The following TASP1 variants were observed in gnomAD, a reference collection of about 807,000 sequenced individuals.
The protein encoded by TASP1 is taspase 1.
TASP1 carries 16 observed loss-of-function variants against 56.6 expected under a neutral mutation model. That is an observed-to-expected ratio of 0.28 (90% confidence interval 0.19 to 0.43). The LOEUF is 0.43. Among genes scored for constraint, TASP1 ranks in the 20% least tolerant of loss-of-function variants. TASP1 has a pLI of 1.00. For missense variants in TASP1, 393 were observed against 511.6 expected, an observed-to-expected ratio of 0.77 and a Z score of 2.24; for synonymous variants, 179 against 184.2, an observed-to-expected ratio of 0.97 and a Z score of 0.23.
the TASP1 span, among the ~76,000 whole-genome samples, chr20:13,271,473 G>C: frequency 6.6e-6 from 1 of 152,114 alleles, no homozygotes; most frequent in Non-Finnish European, 1.5e-5. Flanking sequence ...GATCGGATTT[G>C]ACCCTCCCAA....
chr20:13,569,299 T>C (rs978587507), intron 7 of TASP1, among the ~76,000 whole-genome samples: 2 of 152,096 alleles, frequency 1.3e-5, no homozygotes, highest in Admixed American at 6.6e-5. Flanking sequence ...AATACTTTTA[T>C]AAAAGCATAA....
intron 12 of TASP1, among the ~76,000 whole-genome samples, chr20:13,421,373 C>A (rs536034010): frequency 6.8e-6 from 1 of 146,200 alleles, no homozygotes; most frequent in East Asian, 2.0e-4. Context: ...CCGCACCTGG[C>A]CTGTTTAGAG....
At chr20:13,270,316 T>A in the TASP1 span, among the ~76,000 whole-genome samples, 1 of 152,224 alleles carries the variant, frequency 6.6e-6, no homozygotes, top group African/African-American at 2.4e-5. Flanking sequence ...CTAGAAGTTT[T>A]CTGATGATCT....
At chr20:13,318,999 G>A in the TASP1 span, among the ~76,000 whole-genome samples, 8 of 152,242 alleles carry the variant, frequency 5.3e-5, no homozygotes, top group African/African-American at 1.7e-4. Context: ...ACAACAGCAC[G>A]AGTGAACCCT....
chr20:13,517,816 T>C (rs1237961590), intron 10 of TASP1, among the ~76,000 whole-genome samples: 2 of 152,106 alleles, frequency 1.3e-5, no homozygotes, highest in African/African-American at 4.8e-5. Flanking sequence ...CAAGAAGCAA[T>C]ATATTAAAAG....
At chr20:13,452,723 T>C (rs1264393644) in intron 11 of TASP1, among the ~76,000 whole-genome samples, 1 of 151,964 alleles carries the variant, frequency 6.6e-6, no homozygotes. Context: ...ACTCACTTTA[T>C]TAGGGAAAGG....
the TASP1 span, among the ~76,000 whole-genome samples, chr20:13,384,025 T>C: frequency 6.6e-6 from 1 of 152,188 alleles, no homozygotes; most frequent in Non-Finnish European, 1.5e-5. Flanking sequence ...ATCTTACTAC[T>C]TGTACATGGA....
At chr20:13,338,257 GC>G in the TASP1 span, among the ~76,000 whole-genome samples, 1 of 152,280 alleles carries the variant, frequency 6.6e-6, no homozygotes, top group South Asian at 2.1e-4. Context: ...TTTCTGACCT[GC>G]CATGGCATTT....
intron 11 of TASP1, among the ~76,000 whole-genome samples, chr20:13,454,320 C>T (rs1367019299): frequency 6.6e-6 from 1 of 152,126 alleles, no homozygotes; most frequent in African/African-American, 2.4e-5. Flanking sequence ...GGCAGGAAGA[C>T]TGCTTAGGAA....
intron 10 of TASP1, among the ~76,000 whole-genome samples, chr20:13,497,736 T>C (rs536164754): frequency 3.0e-4 from 45 of 152,264 alleles, no homozygotes; most frequent in Non-Finnish European, 5.7e-4. Context: ...CTTTAAATTA[T>C]ACTACAAAGC....
chr20:13,429,448 A>G (rs1309872674), intron 12 of TASP1, among the ~76,000 whole-genome samples: 2 of 152,160 alleles, frequency 1.3e-5, no homozygotes, highest in Admixed American at 1.3e-4. Flanking sequence ...CCATGAACAT[A>G]TACAATTATT....
At position 13,565,926 on chromosome 20, in the gene TASP1, C is replaced by T. The variant is rs553943077; in HGVS notation, c.568+3581G>A. ...TCACAGTAGCATTATGCATGACAACCAAAAGGTAGTGTAACCCACGTATTC... is the reference window on the plus strand; with the variant it reads ...TCACAGTAGCATTATGCATGACAACTAAAAGGTAGTGTAACCCACGTATTC... On this transcript the variant is annotated intron_variant, in intron 7 of 13. Transcript: ENST00000337743. 2.6e-5 allele frequency among the ~76,000 whole-genome samples: 4 copies of T among 152,242 alleles called. No individual in the cohort carries two copies. The South Asian group carries it at 8.3e-4, about 32-fold the overall frequency.
At chr20:13,226,543 G>A in the TASP1 span, among the ~76,000 whole-genome samples, 1 of 152,060 alleles carries the variant, frequency 6.6e-6, no homozygotes, top group African/African-American at 2.4e-5. Flanking sequence ...CACCTTGCTT[G>A]GGCTCAGCTG....
At chr20:13,417,822 C>G (rs6033699) in intron 12 of TASP1, among the ~76,000 whole-genome samples, 15 of 152,016 alleles carry the variant, frequency 9.9e-5, no homozygotes, top group African/African-American at 2.9e-4. Flanking sequence ...ACATACGGTA[C>G]ACAGTGATTT....
chr20:13,592,592 T>A (rs2047574556), intron 4 of TASP1, among the ~76,000 whole-genome samples: 1 of 152,280 alleles, frequency 6.6e-6, no homozygotes, highest in East Asian at 1.9e-4. Context: ...GATGTCTGAC[T>A]CTTCTTTTAC....
the TASP1 span, among the ~76,000 whole-genome samples, chr20:13,211,895 C>A: frequency 2.4e-4 from 36 of 152,056 alleles, no homozygotes; most frequent in Non-Finnish European, 1.5e-4. Context: ...ACATAAGTAA[C>A]GCCCTTGATT....
chr20:13,454,812 C>T (rs2043766050), intron 11 of TASP1, among the ~76,000 whole-genome samples: 1 of 152,060 alleles, frequency 6.6e-6, no homozygotes, highest in Non-Finnish European at 1.5e-5. Context: ...CTTGTTTATC[C>T]CTGGAAGCCC....
intron 10 of TASP1, among the ~76,000 whole-genome samples, chr20:13,524,160 T>C (rs536193273): frequency 6.6e-6 from 1 of 152,066 alleles, no homozygotes; most frequent in African/African-American, 2.4e-5. Context: ...CTTTTTTTTT[T>C]TTAAAGGAAA....
intron 10 of TASP1, among the ~76,000 whole-genome samples, chr20:13,507,717 TAGAA>T (rs553548419): frequency 2.0e-5 from 3 of 152,162 alleles, no homozygotes; most frequent in South Asian, 4.2e-4. Context: ...TTCACAGAAA[TAGAA>T]AGAACAATGC....
Sources: allele counts gnomAD v4.1 joint callset (sites outside exome capture counted in the v4.1 genomes callset), GRCh38; gene constraint gnomAD v4.1.1; transcripts MANE v1.5; gene names NCBI Gene and HGNC (gene_info 2026-07-23, HGNC 2026-07-21).